Variants in PCOLCE observed in about 807,000 individuals in gnomAD.
The protein encoded by PCOLCE is procollagen C-endopeptidase enhancer 1.
In PCOLCE, 33 loss-of-function variants were observed where a neutral mutation model predicts 47.2. The observed-to-expected ratio is 0.70, with a 90% CI of 0.53 to 0.93. The LOEUF (loss-of-function observed/expected upper bound fraction) is 0.93. Ranked by LOEUF, PCOLCE falls within the 40% of genes least tolerant of loss-of-function variation. The pLI, the probability that PCOLCE is intolerant of heterozygous loss-of-function variation, is 0.00. For missense variants in PCOLCE, 584 were observed against 585.3 expected (o/e 1.00, Z 0.02); for synonymous variants, 254 against 252.5 (o/e 1.01, Z -0.06).
chr7:100,605,385 TA>T lies in PCOLCE; in HGVS notation c.588+171del. On this transcript the variant is annotated intron_variant, in intron 4 of 8. Transcript: ENST00000223061. The surrounding 1 kb of genome is among the most constrained non-coding windows in gnomAD (Gnocchi z 6.1). The stretch of plus-strand genomic sequence containing the variant: ...TGCACGCAAACAAAAATGTAAAAAT[TA>T]CAACTGAGACAAGTCTCAGGAGAGC... The T allele has an allele frequency of 1.4e-6, 1 of 722,400 alleles. No homozygotes were observed. 44.7% of individuals were successfully genotyped at this position (722,400 alleles called of 1,614,324 possible).
chr7:100,603,082 GTAGT>G (rs1802641916), intron 1 of PCOLCE: 2 of 265,538 alleles, frequency 7.5e-6, no homozygotes, highest in Non-Finnish European at 7.0e-6. Context: ...ACATCTGGAA[GTAGT>G]TAGGCGGCTC....
At chr7:100,603,936 C>T (rs763758438) in intron 2 of PCOLCE, 23 bp from the exon 3 acceptor site, 5 of 1,596,552 alleles carry the variant, frequency 3.1e-6, no homozygotes, top group East Asian at 2.2e-5. Context: ...TCTGTGGGTC[C>T]CCGCCTCTGT....
chr7:100,604,384 C>A lies in PCOLCE; in HGVS notation c.463+167C>A. 1.6e-6 allele frequency: 1 copy of A among 628,966 alleles called. No individual in the cohort carries two copies. The highest frequency in any genetic ancestry group is 2.8e-6 in the Non-Finnish European group (1 of 356,584). 39.0% of individuals were successfully genotyped at this position (628,966 alleles called of 1,614,324 possible). Reference sequence around the variant, plus strand: ...AACCGCCCCTTCAGTCCCTCCTCCCCGTCTTCTCTCCCCTCCTCCCGCACC... The same window carrying A: ...AACCGCCCCTTCAGTCCCTCCTCCCAGTCTTCTCTCCCCTCCTCCCGCACC... On this transcript the variant is annotated intron_variant, in intron 3 of 8. Transcript: ENST00000223061. The surrounding 1 kb of genome is among the most constrained non-coding windows in gnomAD (Gnocchi z 6.4).
At position 100,603,950 on chromosome 7, in the gene PCOLCE, C is replaced by T. The variant is rs1159170337; in HGVS notation, c.205-9C>T. 6.3e-7 allele frequency: 1 copy of T among 1,599,530 alleles called. No individual in the cohort carries two copies. The highest frequency in any genetic ancestry group is 8.5e-7 in the Non-Finnish European group (1 of 1,179,028). ...CTCTGTGGGTCCCCGCCTCTGTCCC[C>T]GCTATCAGGTCCCCGAGGGCCAGAC... On this transcript the variant is annotated splice_polypyrimidine_tract_variant and intron_variant, in intron 2 of 8. Coordinates refer to ENST00000223061, the MANE Select transcript of PCOLCE (RefSeq NM_002593.4).
rs1312481207 is a variant in PCOLCE, at chr7:100,605,853, G to A, written c.725+41G>A. 6.5e-7 allele frequency: 1 copy of A among 1,539,738 alleles called. No homozygotes were observed. The highest frequency in any genetic ancestry group is 1.2e-5 in the South Asian group (1 of 83,488). Reference sequence around the variant, plus strand: ...TGGGCGAGTCCGGGAGAGAGTCGGCGGACCGCACGCACGCGGCTGTTTGGA... The same window carrying A: ...TGGGCGAGTCCGGGAGAGAGTCGGCAGACCGCACGCACGCGGCTGTTTGGA... On this transcript the variant is annotated intron_variant, in intron 5 of 8. Coordinates refer to ENST00000223061, the MANE Select transcript of PCOLCE (RefSeq NM_002593.4). This position sits in a 1 kb window ranked among gnomAD's most constrained non-coding sequence, Gnocchi z 6.1.
intron 2 of PCOLCE, 81 bp downstream of exon 2, chr7:100,603,619 T>TCCCCCCCCCCCCA: frequency 3.6e-6 from 1 of 281,448 alleles, no homozygotes; most frequent in Non-Finnish European, 6.5e-6. Flanking sequence ...CCCCCCCCCG[T>TCCCCCCCCCCCCA]CCCCCCCGCA....
In PCOLCE at chr7:100,605,228, C is replaced by A; in HGVS notation, c.588+13C>A. ...GCCCCCGGACCAGGTACCGACCCTC[C>A]TCCCCGGGCTGCCCTAGGGGACCCA... On this transcript the variant is annotated intron_variant, in intron 4 of 8. Coordinates refer to ENST00000223061, the MANE Select transcript of PCOLCE (RefSeq NM_002593.4). The surrounding 1 kb of genome is among the most constrained non-coding windows in gnomAD (Gnocchi z 6.1). 1 of 1,607,554 alleles carries A rather than the reference C, an allele frequency of 6.2e-7. No homozygotes were observed. Among genetic ancestry groups the A allele is most frequent in the East Asian group, 2.2e-5 (1 of 44,714 alleles).
At chr7:100,606,261 C>T in intron 5 of PCOLCE, 155 bp from the exon 6 acceptor site, 1 of 598,150 alleles carries the variant, frequency 1.7e-6, no homozygotes, top group Non-Finnish European at 3.0e-6. Flanking sequence ...CCCAGAAGGT[C>T]AAGGCTGCAG....
chr7:100,604,468 G>A lies in PCOLCE; in HGVS notation c.463+251G>A. On this transcript the variant is annotated intron_variant, in intron 3 of 8. Transcript: ENST00000223061. The surrounding 1 kb of genome is among the most constrained non-coding windows in gnomAD (Gnocchi z 6.4). ...CGAGGCGGAAATGGGTCACCGACCC[G>A]CGGGTGGAATGGGCGGCCTGGGGTT... 1 of 599,920 alleles carries A rather than the reference G, an allele frequency of 1.7e-6. No individual in the cohort carries two copies. The highest frequency in any genetic ancestry group is 1.9e-5 in the African/African-American group (1 of 53,062). The allele number at this position is 599,920 out of a possible 1,614,324, so 37.2% of individuals were successfully genotyped here. A position where few individuals can be genotyped will look rare whatever the true frequency, so the allele number is the denominator to read the frequency against.
At position 100,604,129 on chromosome 7, in the gene PCOLCE, C is replaced by A; in HGVS notation, c.375C>A (p.Asn125Lys). Residue 125 changes from asparagine (N) to lysine (K), a missense_variant, in exon 3 of 9, where the codon AAC (asparagine) becomes AAA (lysine). Asn to Lys is a moderately conservative substitution (Grantham distance 94, BLOSUM62 0). Coordinates refer to ENST00000223061, the MANE Select transcript of PCOLCE (RefSeq NM_002593.4). This position sits in a 1 kb window ranked among gnomAD's most constrained non-coding sequence, Gnocchi z 6.4. ...CTGCGCCCCTAGTCGCCCCCGGCAA[C>A]CAGGTGACCCTGAGGATGACGACGG... is the stretch of plus-strand genomic sequence containing the variant. The part of the protein sequence containing the change: ...FRPAPLVAPG[N>K]QVTLRMTTDE... The A allele has an allele frequency of 1.2e-6, 2 of 1,612,818 alleles. No homozygotes were observed. The highest frequency in any genetic ancestry group is 1.3e-5 in the African/African-American group (1 of 75,038).
intron 6 of PCOLCE, 50 bp from the exon 7 acceptor site, chr7:100,607,402 G>C (rs1802735850): frequency 7.0e-7 from 1 of 1,433,566 alleles, no homozygotes; most frequent in African/African-American, 1.4e-5. Flanking sequence ...TGGGGACAGT[G>C]CTCCCTCCTA....
Position 100,604,535 on chromosome 7 carries a change from G to C in PCOLCE, c.463+318G>C, listed in dbSNP as rs1443651924. 1 of 466,332 alleles carries C rather than the reference G, an allele frequency of 2.1e-6. No individual in the cohort carries two copies. The highest frequency in any genetic ancestry group is 2.0e-5 in the African/African-American group (1 of 50,110). The allele number at this position is 466,332 out of a possible 1,614,324, so 28.9% of individuals were successfully genotyped here. On this transcript the variant is annotated intron_variant, in intron 3 of 8. Coordinates refer to ENST00000223061, the MANE Select transcript of PCOLCE (RefSeq NM_002593.4). The surrounding 1 kb of genome is among the most constrained non-coding windows in gnomAD (Gnocchi z 6.4). ...ACTGCCGGCCCCCGTCCGCAATCGG[G>C]CTCCCTCCGTCGGGCGCGAGGGGGC...
chr7:100,607,905 A>G (rs1369198053), intron 8 of PCOLCE, 32 bp from the exon 9 acceptor site: 1 of 1,613,206 alleles, frequency 6.2e-7, no homozygotes. Flanking sequence ...TCTCAAGAAT[A>G]AGAGATCTCA....
At position 100,606,462 on chromosome 7, in the gene PCOLCE, G is replaced by A. The variant is rs113851049; in HGVS notation, c.772G>A (p.Asp258Asn). The change falls in exon 6 of 9, where the codon GAT becomes AAT. Residue 258 changes from aspartate to asparagine, a missense_variant. Physicochemically the swap from Asp to Asn is conservative, Grantham distance 23 (BLOSUM62 1). Coordinates refer to ENST00000223061, the MANE Select transcript of PCOLCE (RefSeq NM_002593.4). The stretch of plus-strand genomic sequence containing the variant: ...TGAACTCCTCGTCCAGTTCGTCTCA[G>A]ATCTCAGTGTCACCGCTGATGGCTT... ...GNELLVQFVS[D>N]LSVTADGFSA... 6.2e-7 allele frequency: 1 copy of A among 1,614,002 alleles called. No homozygotes were observed. The highest frequency in any genetic ancestry group is 8.5e-7 in the Non-Finnish European group (1 of 1,179,974).
chr7:100,607,341 G>A, intron 6 of PCOLCE, 111 bp from the exon 7 acceptor site: 2 of 816,084 alleles, frequency 2.5e-6, no homozygotes, highest in South Asian at 3.1e-5. Context: ...CTGGGTGCTA[G>A]GACCGGAAGC....
At chr7:100,603,648 G>A in intron 2 of PCOLCE, 110 bp downstream of exon 2, 3 of 589,674 alleles carry the variant, frequency 5.1e-6, no homozygotes, top group Non-Finnish European at 6.1e-6. Context: ...TCAACCTGGG[G>A]CAGCTCCAAG....
rs369714634 is a variant in PCOLCE at position 100,606,581 on chromosome 7, C to A, written c.891C>A (p.Pro297=). The A allele has an allele frequency of 3.7e-6, 6 of 1,613,894 alleles. No homozygotes were observed. Among genetic ancestry groups the A allele is most frequent in the Non-Finnish European group, 2.5e-6 (3 of 1,179,764 alleles). Residue 297 remains proline, a synonymous_variant, in exon 6 of 9, where the codon CCC becomes CCA. Transcript: ENST00000223061. ...KRGTEPKVKL[P]PKSQPPEKTE... Reference sequence around the variant, plus strand: ...GAACTGAGCCTAAAGTCAAGCTGCCCCCCAAGTCCCAACCTCCGGAGAAAA... The same window carrying A: ...GAACTGAGCCTAAAGTCAAGCTGCCACCCAAGTCCCAACCTCCGGAGAAAA...
chr7:100,602,441 C>T lies in PCOLCE; in HGVS notation c.-16C>T, dbSNP rs959666855. On this transcript the variant is annotated 5_prime_UTR_variant, in exon 1 of 9. Coordinates refer to ENST00000223061, the MANE Select transcript of PCOLCE (RefSeq NM_002593.4). ...TGCCTCTGTCTTGAGGACCCCAGCG[C>T]CTTTCCCCCGGGGCCATGCTGCCTG... 1.3e-6 allele frequency: 2 copies of T among 1,568,610 alleles called. No individual in the cohort carries two copies. The highest frequency in any genetic ancestry group is 2.7e-5 in the African/African-American group (2 of 74,058).
rs745816037 is a variant in PCOLCE at position 100,607,486 on chromosome 7, A to G, written c.975A>G (p.Thr325=). ...APTCPKQCRR[T]GTLQSNFCAS... ...CCTGCCCAAAGCAGTGCCGCCGGAC[A>G]GGCACCTTGCAGAGCAACTTCTGTG... Residue 325 remains threonine (T), a synonymous_variant, in exon 7 of 9, where the codon ACA becomes ACG. Transcript: ENST00000223061. 2 of 1,614,104 alleles carry G rather than the reference A, an allele frequency of 1.2e-6. No homozygotes were observed. The highest frequency in any genetic ancestry group is 2.2e-5 in the East Asian group (1 of 44,872).
Sources: gnomAD v4.1 joint callset for allele counts on GRCh38, gnomAD v4.1.1 for gene constraint, Gnocchi (gnomAD v3.1) non-coding constraint, MANE v1.5 for transcripts, NCBI Gene and HGNC (gene_info 2026-07-23, HGNC 2026-07-21) for gene names.